Variants in PRPF31 observed in about 807,000 individuals in gnomAD.
PRPF31 encodes the protein U4/U6 small nuclear ribonucleoprotein Prp31.
A neutral mutation model predicts 60.4 loss-of-function variants in PRPF31; 12 were observed. The observed-to-expected ratio is 0.20, with a 90% CI of 0.13 to 0.32. The LOEUF (loss-of-function observed/expected upper bound fraction) is 0.32. PRPF31 is among the 10% of genes least tolerant of loss of function. The pLI is 1.00. For synonymous variants in PRPF31, 287 were observed against 287.9 expected, an observed-to-expected ratio of 1.00 and a Z score of 0.03; for missense variants, 431 against 687.1, an observed-to-expected ratio of 0.63 and a Z score of 4.17.
intron 13 of PRPF31, 79 bp downstream of exon 13, chr19:54,129,449 C>A (rs779238582): frequency 4.9e-4 from 720 of 1,476,250 alleles, no homozygotes; most frequent in Non-Finnish European, 4.8e-4. Flanking sequence ...GTGAAGAAGG[C>A]CAGGATGAGT....
chr19:54,123,818 C>T lies in PRPF31; in HGVS notation c.597C>T (p.Ala199=), dbSNP rs777323015. 11 of 1,613,636 alleles carry T rather than the reference C, an allele frequency of 6.8e-6. No individual in the cohort carries two copies. Among genetic ancestry groups the T allele is most frequent in the Non-Finnish European group, 8.5e-6 (10 of 1,180,018 alleles). ...GCGACATGGCGCTGGAGCTGAACGC[C>T]TCCAAGCACCGCATCTACGAGTATG... The part of the protein sequence containing the change: ...EACDMALELN[A]SKHRIYEYVE... Residue 199 remains alanine (A), a synonymous_variant, in exon 7 of 14, where the codon GCC becomes GCT. Transcript: ENST00000321030.
At chr19:54,123,136 A>G (rs1347039854) in intron 5 of PRPF31, 1 of 535,040 alleles carries the variant, frequency 1.9e-6, no homozygotes, top group African/African-American at 1.9e-5. Context: ...AAGCCCCTGC[A>G]GGGAAGCGAG....
intron 8 of PRPF31, among the ~76,000 whole-genome samples, chr19:54,126,324 A>G (rs1213957466): frequency 6.6e-6 from 1 of 152,116 alleles, no homozygotes; most frequent in African/African-American, 2.4e-5. Flanking sequence ...GCCACTTATC[A>G]GCTGGGACAT....
chr19:54,128,501 C>T (rs1205158470), intron 11 of PRPF31, 124 bp downstream of exon 11: 1 of 978,998 alleles, frequency 1.0e-6, no homozygotes, highest in Non-Finnish European at 1.6e-6. Flanking sequence ...CTGCCCCAGC[C>T]TCCCCCCCCC....
chr19:54,130,858 C>A (rs2074033947), intron 13 of PRPF31, among the ~76,000 whole-genome samples: 1 of 152,078 alleles, frequency 6.6e-6, no homozygotes, highest in Admixed American at 6.5e-5. Flanking sequence ...ATGACTGGGT[C>A]CTGTTATTAT....
intron 5 of PRPF31, 128 bp from the exon 6 acceptor site, chr19:54,123,326 G>A (rs2073838900): frequency 1.3e-6 from 1 of 774,700 alleles, no homozygotes; most frequent in Non-Finnish European, 2.3e-6. Context: ...GGCAGGAGAG[G>A]CCCCCAGTGC....
rs1466225729 is a variant in PRPF31 at position 54,126,615 on chromosome 19, A to G, written c.943A>G (p.Lys315Glu). ...CAGTTTCCACGAGAGCACAGAAGGG[A>G]AGGTGAGGAGGGAAAGGTGAGGGGC... ...VDSFHESTEG[K>E]VGYELKDEIE... The change falls in exon 9 of 14, where the codon AAG becomes GAG. Residue 315 changes from lysine (K) to glutamate (E), a missense_variant and splice_region_variant. Lys to Glu is a moderately conservative substitution (Grantham distance 56). Coordinates refer to ENST00000321030, the MANE Select transcript of PRPF31 (RefSeq NM_015629.4). 1.1e-5 allele frequency: 17 copies of G among 1,613,412 alleles called. No homozygotes were observed. The highest frequency in any genetic ancestry group is 1.4e-5 in the Non-Finnish European group (16 of 1,179,754).
rs587753187 is a variant in PRPF31, at chr19:54,128,069, C to T, written c.946-4C>T. On this transcript the variant is annotated splice_region_variant and splice_polypyrimidine_tract_variant and intron_variant, in intron 9 of 13. Coordinates refer to ENST00000321030, the MANE Select transcript of PRPF31 (RefSeq NM_015629.4). The stretch of plus-strand genomic sequence containing the variant: ...CTGCAGGACCTCCCCCTCGCCCTCC[C>T]CAGGTGGGCTACGAACTGAAGGATG... The T allele has an allele frequency of 2.7e-5, 42 of 1,548,562 alleles. No homozygotes were observed. The highest frequency in any genetic ancestry group is 3.7e-5 in the Non-Finnish European group (42 of 1,146,808).
At position 54,129,333 on chromosome 19, in the gene PRPF31, C is replaced by T. The variant is rs759253733; in HGVS notation, c.1337C>T (p.Ser446Leu). The T allele has an allele frequency of 5.6e-6, 9 of 1,604,636 alleles. No homozygotes were observed. Among genetic ancestry groups the T allele is most frequent in the Middle Eastern group, 1.7e-4 (1 of 6,052 alleles). The change falls in exon 13 of 14, where the codon TCG (serine) becomes TTG (leucine). Residue 446 changes from serine to leucine, a missense_variant. By Grantham distance (145) the Ser-to-Leu change is moderately radical (BLOSUM62 -2). Transcript: ENST00000321030. ...AAGTCCACCATCCGCGACCGCTCCT[C>T]GGGCACGGCCTCCAGCGTGGCCTTC... ...GGKSTIRDRS[S>L]GTASSVAFTP...
chr19:54,124,856 G>C (rs2073881748), intron 8 of PRPF31, 200 bp downstream of exon 8: 2 of 653,970 alleles, frequency 3.1e-6, no homozygotes, highest in Non-Finnish European at 5.4e-6. Context: ...CTGTGGGCAA[G>C]AGGCATGAGC....
In PRPF31 at chr19:54,129,621, C is replaced by T. The variant is rs587706181; in HGVS notation, c.1374+251C>T. Among the ~76,000 whole-genome samples the T allele has an allele frequency of 2.9e-5, 4 of 138,026 alleles. No homozygotes were observed. In the South Asian group the frequency reaches 1.2e-3, roughly 43 times the overall value. 90.6% of individuals were successfully genotyped at this position (138,026 alleles called of 152,430 possible). On this transcript the variant is annotated intron_variant, in intron 13 of 13. Transcript: ENST00000321030. ...ACCAGGCCCACAGCTGTGTTCAGGG[C>T]ACCCAGTTCCTCTGTCGGGCTGTGA...
intron 4 of PRPF31, 103 bp downstream of exon 4, chr19:54,122,046 C>G (rs2073804560): frequency 3.2e-6 from 4 of 1,259,506 alleles, no homozygotes; most frequent in Non-Finnish European, 3.4e-6. Context: ...TAAGCCCAAG[C>G]TCAGATCGAG....
At chr19:54,117,879 C>G (rs1176970828) in intron 1 of PRPF31, among the ~76,000 whole-genome samples, 1 of 151,868 alleles carries the variant, frequency 6.6e-6, no homozygotes, top group Non-Finnish European at 1.5e-5. Context: ...AAGATTAGCC[C>G]CTGGAACTTC....
At position 54,118,847 on chromosome 19, in the gene PRPF31, A is replaced by G. The variant is rs1268864267; in HGVS notation, c.238+214A>G. The G allele has an allele frequency of 5.0e-6, 3 of 606,026 alleles. No homozygotes were observed. The African/African-American group carries it at 5.6e-5, about 11-fold the overall frequency. The allele number at this position is 606,026 out of a possible 1,614,324, so 37.5% of individuals were successfully genotyped here. On this transcript the variant is annotated intron_variant, in intron 3 of 13. Transcript: ENST00000321030. ...TAAGTCCTTCCTGTGTGCTGAGCTT[A>G]CTGATCATGATAGGACTCAGCTTGA...
Position 54,115,777 on chromosome 19 carries a change from A to G in PRPF31, c.-29A>G, listed in dbSNP as rs1006607371. Reference sequence around the variant, plus strand: ...TCGGTGAGCGACTAACGCTAGAAACAGTGGTGCGCGGAGAGGAGAGGTGAG... The same window carrying G: ...TCGGTGAGCGACTAACGCTAGAAACGGTGGTGCGCGGAGAGGAGAGGTGAG... On this transcript the variant is annotated 5_prime_UTR_variant, in exon 1 of 14. Coordinates refer to ENST00000321030, the MANE Select transcript of PRPF31 (RefSeq NM_015629.4). 1 of 248,940 alleles carries G rather than the reference A, an allele frequency of 4.0e-6. No homozygotes were observed. Among genetic ancestry groups the G allele is most frequent in the Non-Finnish European group, 7.9e-6 (1 of 126,260 alleles). The allele number at this position is 248,940 out of a possible 1,614,324, so 15.4% of individuals were successfully genotyped here.
intron 9 of PRPF31, 123 bp from the exon 10 acceptor site, chr19:54,127,950 G>A (rs587767797): frequency 3.6e-5 from 48 of 1,341,414 alleles, no homozygotes; most frequent in Admixed American, 1.0e-4. Flanking sequence ...AGGGGGTGGC[G>A]GTGAGGCAGC....
At chr19:54,122,964 C>A in intron 5 of PRPF31, 1 of 465,690 alleles carries the variant, frequency 2.1e-6, no homozygotes, top group Non-Finnish European at 4.0e-6. Context: ...GGAAGTGAGG[C>A]GGGGAAGGAG....
In PRPF31 at chr19:54,121,018, G is replaced by A. The variant is rs587663120; in HGVS notation, c.239-842G>A. ...ATGCAGAGGCCAGGAGGGGTCTGGC[G>A]CGGTGGCTCACGCCTGTCATCCCAG... On this transcript the variant is annotated intron_variant, in intron 3 of 13. Coordinates refer to ENST00000321030, the MANE Select transcript of PRPF31 (RefSeq NM_015629.4). Among the ~76,000 whole-genome samples, 5 of 152,288 alleles carry A rather than the reference G, an allele frequency of 3.3e-5. No homozygotes were observed. In the East Asian group the frequency reaches 9.7e-4, roughly 29 times the overall value.
chr19:54,122,690 G>A (rs1311057862), intron 5 of PRPF31, 96 bp downstream of exon 5: 7 of 993,058 alleles, frequency 7.0e-6, no homozygotes, highest in African/African-American at 3.2e-5. Context: ...GTCTGGAGAC[G>A]ATGGAGAGGA....
Sources: allele counts gnomAD v4.1 joint callset (sites outside exome capture counted in the v4.1 genomes callset), GRCh38; gene constraint gnomAD v4.1.1; transcripts MANE v1.5; gene names NCBI Gene and HGNC (gene_info 2026-07-23, HGNC 2026-07-21).